The following PODXL variants were observed in gnomAD, a reference collection of about 807,000 sequenced individuals.
PODXL encodes the protein podocalyxin.
In PODXL, 20 loss-of-function variants were observed where a neutral mutation model predicts 48.9. That is an observed-to-expected ratio of 0.41 (90% CI 0.29 to 0.59). The LOEUF is 0.59. PODXL is among the 20% of genes least tolerant of loss of function. PODXL has a pLI of 0.31. For synonymous variants in PODXL, 295 were observed against 287.4 expected (o/e 1.03, Z -0.27); for missense variants, 606 against 675.1 (o/e 0.90, Z 1.13).
chr7:131,512,608 A>G (rs1044709311), intron 1 of PODXL, among the ~76,000 whole-genome samples: 1 of 152,164 alleles, frequency 6.6e-6, no homozygotes, highest in Non-Finnish European at 1.5e-5. Context: ...CAGGGCTGAG[A>G]AAATGCAGGG....
intron 1 of PODXL, among the ~76,000 whole-genome samples, chr7:131,537,444 G>A (rs1361660161): frequency 3.9e-5 from 6 of 152,100 alleles, no homozygotes; most frequent in Non-Finnish European, 8.8e-5. Context: ...AAAATCAGCT[G>A]GGCATGGTAG....
At chr7:131,540,516 C>T (rs949867028) in intron 1 of PODXL, among the ~76,000 whole-genome samples, 7 of 152,086 alleles carry the variant, frequency 4.6e-5, no homozygotes, top group African/African-American at 1.2e-4. Context: ...CCCTTCGCAC[C>T]GACCCTCACC....
chr7:131,554,978 T>C (rs928296287), intron 1 of PODXL, among the ~76,000 whole-genome samples: 7 of 152,160 alleles, frequency 4.6e-5, no homozygotes, highest in African/African-American at 1.4e-4. Context: ...ACACACATTC[T>C]TCCCCCCGCC....
At chr7:131,521,085 T>G (rs1670669637) in intron 1 of PODXL, among the ~76,000 whole-genome samples, 2 of 151,752 alleles carry the variant, frequency 1.3e-5, no homozygotes, top group African/African-American at 4.8e-5. Flanking sequence ...GGAGATTTAC[T>G]TGAACCCAGG....
intron 1 of PODXL, among the ~76,000 whole-genome samples, chr7:131,542,149 T>C (rs1798492822): frequency 6.6e-6 from 1 of 152,168 alleles, no homozygotes; most frequent in Non-Finnish European, 1.5e-5. Flanking sequence ...CAAGATTGAT[T>C]CTGAAGTCAG....
At position 131,506,636 on chromosome 7, in the gene PODXL, G is replaced by A. The variant is rs542977535; in HGVS notation, c.1192C>T (p.Arg398Trp). The change falls in exon 6 of 9, where the codon CGG becomes TGG. Residue 398 changes from arginine to tryptophan, a missense_variant. Physicochemically the swap from Arg to Trp is moderately radical, Grantham distance 101. Coordinates refer to ENST00000378555, the MANE Select transcript of PODXL (RefSeq NM_001018111.3). ...TGACTTCCTGGAACAGATGCCAGCC[G>A]TATGCCGCACTTATCTTGGGCCGGG... ...FNPAQDKCGI[R>W]LASVPGSQTV... 8.3e-5 allele frequency: 134 copies of A among 1,614,156 alleles called. 1 individual carries two copies. The South Asian group carries it at 1.1e-3, about 13-fold the overall frequency.
chr7:131,505,508 G>A (rs527798985), intron 8 of PODXL, among the ~76,000 whole-genome samples: 57 of 152,230 alleles, frequency 3.7e-4, no homozygotes, highest in African/African-American at 1.2e-3. Context: ...TTAGGCGGGC[G>A]TGGTGGTGGG....
chr7:131,529,499 T>G (rs552656784), intron 1 of PODXL, among the ~76,000 whole-genome samples: 10 of 151,612 alleles, frequency 6.6e-5, no homozygotes, highest in Non-Finnish European at 7.4e-5. Flanking sequence ...GGAAGAGGGG[T>G]GTGGAAGGAG....
At chr7:131,509,983 C>T (rs991862365) in intron 3 of PODXL, among the ~76,000 whole-genome samples, 4 of 152,130 alleles carry the variant, frequency 2.6e-5, no homozygotes, top group Admixed American at 1.3e-4. Context: ...AGCCGGAGCC[C>T]GCACTCCTAC....
chr7:131,503,653 A>G lies in PODXL; in HGVS notation c.*658T>C, dbSNP rs1562900750. 1 of 152,768 alleles carries G rather than the reference A, an allele frequency of 6.5e-6. No homozygotes were observed. The allele number at this position is 152,768 out of a possible 1,614,324, so 9.5% of individuals were successfully genotyped here. On this transcript the variant is annotated 3_prime_UTR_variant, in exon 9 of 9. Transcript: ENST00000378555. ...TCAAGGTTATGAATAACCTGTGCTA[A>G]TCCCAGAGGCCCCAGGACAGAGTAA... is the stretch of plus-strand genomic sequence containing the variant.
intron 1 of PODXL, among the ~76,000 whole-genome samples, chr7:131,544,336 T>TCAA (rs1798529137): frequency 6.6e-6 from 1 of 152,180 alleles, no homozygotes; most frequent in Non-Finnish European, 1.5e-5. Flanking sequence ...TGATTCTGTG[T>TCAA]CAACAGGACC....
At chr7:131,507,654 C>T (rs1175795908) in intron 5 of PODXL, among the ~76,000 whole-genome samples, 1 of 141,146 alleles carries the variant, frequency 7.1e-6, no homozygotes, top group Non-Finnish European at 1.6e-5. Flanking sequence ...TTCCATCTTC[C>T]TTTTCTAGCA....
chr7:131,551,472 A>G (rs1397640548), intron 1 of PODXL, among the ~76,000 whole-genome samples: 3 of 152,234 alleles, frequency 2.0e-5, no homozygotes, highest in Admixed American at 6.5e-5. Flanking sequence ...CTGATTATGT[A>G]GGAATGACTT....
At chr7:131,506,129 G>C (rs1797796289) in intron 7 of PODXL, 94 bp from the exon 8 acceptor site, 13 of 1,549,068 alleles carry the variant, frequency 8.4e-6, no homozygotes, top group Non-Finnish European at 1.1e-5. Flanking sequence ...AGTCTGCTAG[G>C]GTCCGTGCCG....
At chr7:131,552,612 C>G (rs1052104871) in intron 1 of PODXL, among the ~76,000 whole-genome samples, 1 of 152,172 alleles carries the variant, frequency 6.6e-6, no homozygotes, top group African/African-American at 2.4e-5. Flanking sequence ...CTCCTCAGCC[C>G]TTCTCTGGAC....
intron 2 of PODXL, 23 bp downstream of exon 2, chr7:131,510,805 G>C: frequency 6.2e-7 from 1 of 1,613,858 alleles, no homozygotes; most frequent in Non-Finnish European, 8.5e-7. Context: ...CTTGGTGCTT[G>C]AAGAAAACCA....
At position 131,505,996 on chromosome 7, in the gene PODXL, G is replaced by A. The variant is rs1797793564; in HGVS notation, c.1351C>T (p.Pro451Ser). 1.2e-6 allele frequency: 2 copies of A among 1,612,664 alleles called. No homozygotes were observed. Among genetic ancestry groups the A allele is most frequent in the Non-Finnish European group, 1.7e-6 (2 of 1,179,638 alleles). ...CTGAAGCGGTCCTCGGCCTCCTCCG[G>A]TGGCCCCTGGTCCCCTAGCTTCATG... ...SDMKLGDQGPPEEAEDRFSMP... is the reference protein window; with the variant it reads ...SDMKLGDQGPSEEAEDRFSMP... Residue 451 changes from proline (P) to serine (S), a missense_variant, in exon 8 of 9, where the codon CCG becomes TCG. Coordinates refer to ENST00000378555, the MANE Select transcript of PODXL (RefSeq NM_001018111.3).
At chr7:131,543,919 G>T (rs1005408051) in intron 1 of PODXL, among the ~76,000 whole-genome samples, 1 of 152,162 alleles carries the variant, frequency 6.6e-6, no homozygotes, top group African/African-American at 2.4e-5. Context: ...GTCCAGCTGG[G>T]TTCCCTCTGC....
At chr7:131,521,828 C>G (rs1798096984) in intron 1 of PODXL, among the ~76,000 whole-genome samples, 1 of 152,266 alleles carries the variant, frequency 6.6e-6, no homozygotes, top group African/African-American at 2.4e-5. Flanking sequence ...AAGAAAACAG[C>G]CGGTGCTGAA....
Sources: allele counts gnomAD v4.1 joint callset (sites outside exome capture counted in the v4.1 genomes callset), GRCh38; gene constraint gnomAD v4.1.1; transcripts MANE v1.5; gene names NCBI Gene and HGNC (gene_info 2026-07-23, HGNC 2026-07-21).